The following TICRR variants were observed in gnomAD, a reference collection of about 807,000 sequenced individuals.
TICRR encodes TOPBP1 interacting checkpoint and replication regulator, also known as treslin.
Under a neutral mutation model 178.1 loss-of-function variants are expected in TICRR, and 132 were observed. The observed-to-expected ratio is 0.74, with a 90% CI of 0.64 to 0.86. The LOEUF is 0.86. TICRR is among the 40% of genes least tolerant of loss of function. The probability of loss-of-function intolerance (pLI) is 0.00; values close to 1 mark genes in which losing one functional copy is unlikely to be tolerated. For synonymous variants in TICRR, 991 were observed against 900.7 expected (o/e 1.10, Z -1.79); for missense variants, 2,587 against 2,334.3 (o/e 1.11, Z -2.23).
Position 89,625,277 on chromosome 15 carries a change from C to T in TICRR, c.4967C>T (p.Thr1656Ile), listed in dbSNP as rs554393994. 6.2e-7 allele frequency: 1 copy of T among 1,613,844 alleles called. No homozygotes were observed. Among genetic ancestry groups the T allele is most frequent in the South Asian group, 1.1e-5 (1 of 91,076 alleles). Residue 1656 changes from threonine (T) to isoleucine (I), a missense_variant, in exon 20 of 22, where the codon ACC becomes ATC. Thr to Ile is a moderately conservative substitution (Grantham distance 89). Coordinates refer to ENST00000268138, the MANE Select transcript of TICRR (RefSeq NM_152259.4). ...ACTPTHGPSSTPSPFQTDGVP... is the reference protein window; with the variant it reads ...ACTPTHGPSSIPSPFQTDGVP... ...ACCCCCACCCACGGCCCTTCTAGTA[C>T]CCCCTCTCCATTTCAAACAGATGGG...
chr15:89,625,567 A>G lies in TICRR; in HGVS notation c.5257A>G (p.Arg1753Gly), dbSNP rs966208051. 6.2e-7 allele frequency: 1 copy of G among 1,613,036 alleles called. No individual in the cohort carries two copies. Among genetic ancestry groups the G allele is most frequent in the Non-Finnish European group, 8.5e-7 (1 of 1,180,012 alleles). Residue 1753 changes from arginine (R) to glycine (G), a missense_variant, in exon 20 of 22, where the codon AGG becomes GGG. Coordinates refer to ENST00000268138, the MANE Select transcript of TICRR (RefSeq NM_152259.4). ...CCAGCTCCCAGACCAGTCGCCTCCC[A>G]GGAACAGCATGCCTAAGGCCGAGGA... ...VCQLPDQSPP[R>G]NSMPKAEEAS...
chr15:89,597,881 C>G (rs189219969), intron 7 of TICRR, among the ~76,000 whole-genome samples: 1 of 152,274 alleles, frequency 6.6e-6, no homozygotes, highest in East Asian at 1.9e-4. Flanking sequence ...TATCTCTCCA[C>G]TTATTTAGTT....
rs1023364765 is a variant in TICRR at position 89,584,604 on chromosome 15, C to G, written c.1176+77C>G. ...AGTGAAATAAGTGTGTTTATAAATG[C>G]CCTACACAATATAGTCTTAGTAAAA... On this transcript the variant is annotated intron_variant, in intron 3 of 21. Coordinates refer to ENST00000268138, the MANE Select transcript of TICRR (RefSeq NM_152259.4). 7.0e-6 allele frequency: 10 copies of G among 1,421,790 alleles called. No individual in the cohort carries two copies. In the African/African-American group the frequency reaches 1.4e-4, roughly 20 times the overall value. 88.1% of individuals were successfully genotyped at this position (1,421,790 alleles called of 1,614,324 possible). A position where few individuals can be genotyped will look rare whatever the true frequency, so the allele number is the denominator to read the frequency against.
At chr15:89,601,208 G>A (rs942513887) in intron 9 of TICRR, 90 bp from the exon 10 acceptor site, 1 of 1,133,536 alleles carries the variant, frequency 8.8e-7, no homozygotes, top group East Asian at 2.4e-5. Context: ...TGGTTGTTGT[G>A]TCTTATATAA....
chr15:89,582,840 C>T lies in TICRR; in HGVS notation c.809C>T (p.Pro270Leu). The stretch of plus-strand genomic sequence containing the variant: ...AGTGGAATAAAGCTGTCAAGTGAAC[C>T]TCATCTTTCTCCGTGGATTTCAATG... ...LRSGIKLSSE[P>L]HLSPWISMLP... The change falls in exon 2 of 22, where the codon CCT (proline) becomes CTT (leucine). Residue 270 changes from proline (P) to leucine (L), a missense_variant. By Grantham distance (98) the Pro-to-Leu change is moderately conservative (BLOSUM62 -3). Coordinates refer to ENST00000268138, the MANE Select transcript of TICRR (RefSeq NM_152259.4). The T allele has an allele frequency of 6.2e-7, 1 of 1,614,184 alleles. No homozygotes were observed. Among genetic ancestry groups the T allele is most frequent in the Non-Finnish European group, 8.5e-7 (1 of 1,180,036 alleles).
At position 89,624,196 on chromosome 15, in the gene TICRR, G is replaced by A. The variant is rs1567052996; in HGVS notation, c.3886G>A (p.Gly1296Arg). The change falls in exon 20 of 22, where the codon GGG (glycine) becomes AGG (arginine). Residue 1296 changes from glycine (G) to arginine (R), a missense_variant. Coordinates refer to ENST00000268138, the MANE Select transcript of TICRR (RefSeq NM_152259.4). ...DKAIKTPKRP[G>R]NSTVTSSPPV... ...AGCTATCAAAACTCCAAAAAGACCAGGGAATTCAACTGTGACTTCTTCCCC... is the reference window on the plus strand; with the variant it reads ...AGCTATCAAAACTCCAAAAAGACCAAGGAATTCAACTGTGACTTCTTCCCC... 13 of 1,614,062 alleles carry A rather than the reference G, an allele frequency of 8.1e-6. No individual in the cohort carries two copies. Among genetic ancestry groups the A allele is most frequent in the Middle Eastern group, 3.3e-4 (2 of 6,062 alleles).
intron 15 of TICRR, among the ~76,000 whole-genome samples, chr15:89,611,047 G>T (rs1596053239): frequency 6.6e-6 from 1 of 150,476 alleles, no homozygotes; most frequent in African/African-American, 2.5e-5. Flanking sequence ...AAATTATATA[G>T]GGTTTAAAAA....
chr15:89,585,956 C>G lies in TICRR; in HGVS notation c.1411+14C>G, dbSNP rs750727324. ...CTGCTTCTGCTGGTAAGCTCCTAAACTAGTAACTAACAGAGTCTAGGGTGG... is the reference window on the plus strand; with the variant it reads ...CTGCTTCTGCTGGTAAGCTCCTAAAGTAGTAACTAACAGAGTCTAGGGTGG... On this transcript the variant is annotated intron_variant, in intron 4 of 21. Transcript: ENST00000268138. 6.2e-7 allele frequency: 1 copy of G among 1,607,980 alleles called. No individual in the cohort carries two copies. Among genetic ancestry groups the G allele is most frequent in the Non-Finnish European group, 8.5e-7 (1 of 1,174,564 alleles).
chr15:89,622,162 T>G (rs1397559998), intron 19 of TICRR, among the ~76,000 whole-genome samples: 1 of 152,084 alleles, frequency 6.6e-6, no homozygotes, highest in East Asian at 1.9e-4. Flanking sequence ...ATTTTTGTGC[T>G]TTTAGTAGAG....
intron 18 of TICRR, among the ~76,000 whole-genome samples, 161 bp downstream of exon 18, chr15:89,620,003 A>G (rs1249669815): frequency 2.6e-5 from 4 of 152,232 alleles, no homozygotes; most frequent in Non-Finnish European, 5.9e-5. Context: ...TGGACAGTCC[A>G]TGACTTTGTA....
chr15:89,615,827 A>G (rs1963326145), intron 15 of TICRR, among the ~76,000 whole-genome samples: 1 of 152,196 alleles, frequency 6.6e-6, no homozygotes. Flanking sequence ...GTTAGTCTTA[A>G]CAAGTGAGCA....
chr15:89,618,698 C>T (rs1284951444), intron 17 of TICRR, among the ~76,000 whole-genome samples: 5 of 152,306 alleles, frequency 3.3e-5, no homozygotes, highest in Admixed American at 6.5e-5. Context: ...TGGTGGTTCA[C>T]GCCTGTAATC....
intron 7 of TICRR, among the ~76,000 whole-genome samples, chr15:89,597,396 C>T (rs549053420): frequency 5.1e-4 from 77 of 151,902 alleles, no homozygotes; most frequent in Non-Finnish European, 9.6e-4. Context: ...TGGTGGCAGG[C>T]GCCTGTAGTC....
intron 1 of TICRR, among the ~76,000 whole-genome samples, chr15:89,578,322 A>T (rs1962661606): frequency 6.6e-6 from 1 of 152,222 alleles, no homozygotes; most frequent in African/African-American, 2.4e-5. Flanking sequence ...AAAATTTTCA[A>T]AGTGCTTTCA....
rs780360980 is a variant in TICRR, at chr15:89,625,381, G to T, written c.5071G>T (p.Ala1691Ser). 6.8e-6 allele frequency: 11 copies of T among 1,613,966 alleles called. No homozygotes were observed. The highest frequency in any genetic ancestry group is 9.3e-6 in the Non-Finnish European group (11 of 1,179,964). Residue 1691 changes from alanine to serine, a missense_variant, in exon 20 of 22, where the codon GCG becomes TCG. By Grantham distance (99) the Ala-to-Ser change is moderately conservative (BLOSUM62 1). Coordinates refer to ENST00000268138, the MANE Select transcript of TICRR (RefSeq NM_152259.4). ...IIKDWPRRKR[A>S]VGCGAGSSSG... ...TAAAGACTGGCCCAGGAGGAAGAGG[G>T]CGGTGGGCTGTGGCGCCGGCTCCTC...
chr15:89,617,565 C>G (rs1963354655), intron 16 of TICRR, among the ~76,000 whole-genome samples: 1 of 152,188 alleles, frequency 6.6e-6, no homozygotes, highest in African/African-American at 2.4e-5. Flanking sequence ...CTCTGTCACT[C>G]AGGCTGGAGT....
intron 19 of TICRR, among the ~76,000 whole-genome samples, chr15:89,622,967 C>T (rs1044992877): frequency 1.7e-4 from 26 of 152,314 alleles, no homozygotes; most frequent in Admixed American, 6.5e-4. Context: ...TGCGTATGCC[C>T]CACTGAACAG....
intron 13 of TICRR, among the ~76,000 whole-genome samples, chr15:89,605,548 A>T (rs767932236): frequency 2.2e-4 from 34 of 152,076 alleles, no homozygotes; most frequent in African/African-American, 8.2e-4. Flanking sequence ...TTTAGTAAAG[A>T]TGGAGTTTCA....
Position 89,583,057 on chromosome 15 carries a change from A to C in TICRR, c.934+92A>C, listed in dbSNP as rs553995418. On this transcript the variant is annotated intron_variant, in intron 2 of 21. Transcript: ENST00000268138. The stretch of plus-strand genomic sequence containing the variant: ...GCTTTTAACTTCTTTGGCATTTCTC[A>C]CAGCCCAGGCACTCAACGAATGCTT... 5.3e-6 allele frequency: 7 copies of C among 1,325,358 alleles called. No homozygotes were observed. In the Admixed American group the frequency reaches 1.6e-4, roughly 30 times the overall value. The allele number at this position is 1,325,358 out of a possible 1,614,324, so 82.1% of individuals were successfully genotyped here.
Sources: allele counts gnomAD v4.1 joint callset (sites outside exome capture counted in the v4.1 genomes callset), GRCh38; gene constraint gnomAD v4.1.1; transcripts MANE v1.5; gene names NCBI Gene and HGNC (gene_info 2026-07-23, HGNC 2026-07-21).